The following COL5A1 variants were observed in gnomAD, a reference collection of about 807,000 sequenced individuals.
COL5A1 encodes the protein collagen alpha-1(V) chain.
In COL5A1, 16 loss-of-function variants were observed where a neutral mutation model predicts 263.7. That is an observed-to-expected ratio of 0.06 (90% CI 0.04 to 0.09). The LOEUF is 0.09. Among genes scored for constraint, COL5A1 ranks in the 10% least tolerant of loss-of-function variants. COL5A1 has a pLI of 1.00. For missense variants in COL5A1, 2,036 were observed against 2,540.5 expected (o/e 0.80, Z 4.27); for synonymous variants, 1,012 against 1,004.5 (o/e 1.01, Z -0.14).
intron 6 of COL5A1, 77 bp downstream of exon 6, chr9:134,728,884 G>C: frequency 6.3e-7 from 1 of 1,588,854 alleles, no homozygotes; most frequent in Non-Finnish European, 8.6e-7. Flanking sequence ...GCCAGGAGAG[G>C]TTGTGTCAGG....
Position 134,824,850 on chromosome 9 carries a change from C to T in COL5A1, c.4949C>T (p.Pro1650Leu). 6.2e-7 allele frequency: 1 copy of T among 1,612,022 alleles called. No homozygotes were observed. The highest frequency in any genetic ancestry group is 8.5e-7 in the Non-Finnish European group (1 of 1,179,548). Residue 1650 changes from proline to leucine, a missense_variant, in exon 62 of 66, where the codon CCA becomes CTA. Pro to Leu is a moderately conservative substitution (Grantham distance 98, BLOSUM62 -3). Transcript: ENST00000371817. The stretch of plus-strand genomic sequence containing the variant: ...CTGCAGCTCTGCCACCCCGACTTCC[C>T]AGATGGTGAGGGCCTGGGGGGGCAG... Reference protein sequence around the residue: ...KDLQLCHPDFPDGEYWVDPNQ... With the variant: ...KDLQLCHPDFLDGEYWVDPNQ...
chr9:134,731,750 G>T (rs1406720374), intron 8 of COL5A1, 87 bp downstream of exon 8: 4 of 1,460,104 alleles, frequency 2.7e-6, no homozygotes, highest in Middle Eastern at 4.0e-4. Context: ...CTCCTCAGGG[G>T]TGGGCCTCTA....
rs150215839 is a variant in COL5A1, at chr9:134,796,862, C to T, written c.2859C>T (p.Pro953=). ...TCTGTTCCCAGGGACCCAATGGACC[C>T]CAAGGACCCACAGGATTTCCTGGAC... ...GPPGERGPNG[P]QGPTGFPGPK... Residue 953 remains proline (P), a synonymous_variant, in exon 36 of 66, where the codon CCC becomes CCT. Coordinates refer to ENST00000371817, the MANE Select transcript of COL5A1 (RefSeq NM_000093.5). 6.2e-7 allele frequency: 1 copy of T among 1,614,112 alleles called. No individual in the cohort carries two copies. The highest frequency in any genetic ancestry group is 8.5e-7 in the Non-Finnish European group (1 of 1,179,994).
chr9:134,813,596 G>A (rs529873193), intron 48 of COL5A1, among the ~76,000 whole-genome samples: 4 of 152,314 alleles, frequency 2.6e-5, no homozygotes, highest in East Asian at 1.9e-4. Flanking sequence ...TCTTCCCTGC[G>A]TCCCTCTGGC....
At chr9:134,708,429 G>GA in intron 4 of COL5A1, 2 of 410,470 alleles carry the variant, frequency 4.9e-6, no homozygotes, top group Non-Finnish European at 9.6e-6. Context: ...CGGGGTGGGG[G>GA]CTCTGGTGCA....
chr9:134,719,432 G>A (rs977722969), intron 4 of COL5A1, among the ~76,000 whole-genome samples: 10 of 152,254 alleles, frequency 6.6e-5, no homozygotes, highest in African/African-American at 9.6e-5. Flanking sequence ...GCACACGTAT[G>A]TATGCACACA....
rs1835333490 is a variant in COL5A1, at chr9:134,742,293, A to G, written c.1494+3485A>G. On this transcript the variant is annotated intron_variant, in intron 11 of 65. Coordinates refer to ENST00000371817, the MANE Select transcript of COL5A1 (RefSeq NM_000093.5). This position sits in a 1 kb window ranked among gnomAD's most constrained non-coding sequence, Gnocchi z 4.6. ...AGGCACAGAAGTGGGGCCTGCCTTAAGAAACTCACCGTCCAGTGAGGAAGA... is the reference window on the plus strand; with the variant it reads ...AGGCACAGAAGTGGGGCCTGCCTTAGGAAACTCACCGTCCAGTGAGGAAGA... 1.3e-5 allele frequency among the ~76,000 whole-genome samples: 2 copies of G among 151,398 alleles called. No individual in the cohort carries two copies. Among genetic ancestry groups the G allele is most frequent in the South Asian group, 4.2e-4 (2 of 4,768 alleles).
chr9:134,835,972 C>T lies in COL5A1; in HGVS notation c.5370+768C>T, dbSNP rs114670822. Among the ~76,000 whole-genome samples, 494 of 152,320 alleles carry T rather than the reference C, an allele frequency of 3.2e-3. 2 individuals carry two copies. The highest frequency in any genetic ancestry group is 0.011 in the African/African-American group (465 of 41,574). ...GCGGGAGCCTCAGACATGTCCCCCT[C>T]GTGTGGCCTTTTAGAGGCTGGAGGT... On this transcript the variant is annotated intron_variant, in intron 65 of 65. Transcript: ENST00000371817.
chr9:134,810,650 A>G (rs531562748), intron 44 of COL5A1, among the ~76,000 whole-genome samples: 1 of 152,350 alleles, frequency 6.6e-6, no homozygotes, highest in East Asian at 1.9e-4. Flanking sequence ...AGACAGCACC[A>G]TTGACCAAAT....
intron 48 of COL5A1, among the ~76,000 whole-genome samples, chr9:134,813,193 C>T (rs915886529): frequency 4.7e-5 from 7 of 149,782 alleles, no homozygotes; most frequent in South Asian, 2.1e-4. Context: ...TGGACCCAGT[C>T]GTGTGTGTGT....
At chr9:134,747,672 T>C (rs368606856) in intron 11 of COL5A1, among the ~76,000 whole-genome samples, 1,943 of 136,858 alleles carry the variant, frequency 0.014, 27 homozygotes, top group African/African-American at 0.033. Flanking sequence ...TGCACACATG[T>C]ATTCATACAC....
At chr9:134,651,752 C>T (rs1831694304) in intron 1 of COL5A1, among the ~76,000 whole-genome samples, 2 of 152,330 alleles carry the variant, frequency 1.3e-5, no homozygotes, top group South Asian at 4.1e-4. Flanking sequence ...AGGCGCGGGA[C>T]AGAGGGGCCC....
At position 134,750,635 on chromosome 9, in the gene COL5A1, C is replaced by A. The variant is rs373086315; in HGVS notation, c.1569+19C>A. 4 of 1,612,416 alleles carry A rather than the reference C, an allele frequency of 2.5e-6. No individual in the cohort carries two copies. The highest frequency in any genetic ancestry group is 3.4e-6 in the Non-Finnish European group (4 of 1,179,272). On this transcript the variant is annotated intron_variant, in intron 12 of 65. Transcript: ENST00000371817. ...GCTGCCCGTGAGTACCCTTATCAGT[C>A]GGAGGTGGGGAGGCAGCTGGGGCAG...
At chr9:134,717,186 GC>G (rs1834292339) in intron 4 of COL5A1, among the ~76,000 whole-genome samples, 1 of 152,200 alleles carries the variant, frequency 6.6e-6, no homozygotes, top group African/African-American at 2.4e-5. Flanking sequence ...TCAAGGAAGT[GC>G]CTCGTGGAGA....
chr9:134,759,438 C>A (rs1836152378), intron 18 of COL5A1, among the ~76,000 whole-genome samples: 1 of 121,266 alleles, frequency 8.2e-6, no homozygotes, highest in African/African-American at 4.1e-5. Context: ...CACATGCACA[C>A]ACCCACACCC....
At chr9:134,708,151 G>A (rs1446087933) in intron 4 of COL5A1, among the ~76,000 whole-genome samples, 1 of 152,188 alleles carries the variant, frequency 6.6e-6, no homozygotes, top group Non-Finnish European at 1.5e-5. Flanking sequence ...CATTTGGGGG[G>A]CTGGCTGGGC....
At chr9:134,655,210 G>A (rs558947302) in intron 1 of COL5A1, among the ~76,000 whole-genome samples, 1 of 151,790 alleles carries the variant, frequency 6.6e-6, no homozygotes, top group Non-Finnish European at 1.5e-5. Context: ...TGGGCCGGGC[G>A]TCTGTAGGGC....
At chr9:134,709,038 G>A (rs1211800275) in intron 4 of COL5A1, 1 of 432,386 alleles carries the variant, frequency 2.3e-6, no homozygotes, top group East Asian at 7.1e-5. Flanking sequence ...TCCTAATCTA[G>A]GATGTTCCCA....
intron 4 of COL5A1, among the ~76,000 whole-genome samples, chr9:134,710,976 G>A (rs3124293): frequency 0.69 from 71,505 of 103,700 alleles, 25,087 homozygotes; most frequent in Admixed American, 0.78. Flanking sequence ...GCAGTGGTGG[G>A]GGAGGGGCCC....
Sources: gnomAD v4.1 joint callset for allele counts (sites outside exome capture counted in the v4.1 genomes callset) on GRCh38, gnomAD v4.1.1 for gene constraint, Gnocchi (gnomAD v3.1) non-coding constraint, MANE v1.5 for transcripts, NCBI Gene and HGNC (gene_info 2026-07-23, HGNC 2026-07-21) for gene names.